Variants in ADAMTSL3 observed in about 807,000 individuals in gnomAD.
The protein encoded by ADAMTSL3 is ADAMTS-like protein 3.
A neutral mutation model predicts 201.7 loss-of-function variants in ADAMTSL3; 128 were observed. The ratio of observed to expected loss-of-function variants is 0.63; its 90% confidence interval spans 0.55 to 0.73. The LOEUF is 0.73. ADAMTSL3 is among the 30% of genes least tolerant of loss of function. The probability of loss-of-function intolerance (pLI) is 0.00; values close to 1 mark genes in which losing one functional copy is unlikely to be tolerated. For missense variants in ADAMTSL3, 1,990 were observed against 2,119.6 expected (o/e 0.94, Z 1.20); for synonymous variants, 738 against 748.4 (o/e 0.99, Z 0.23).
intron 5 of ADAMTSL3, among the ~76,000 whole-genome samples, chr15:83,815,701 A>G (rs1355488940): frequency 6.6e-6 from 1 of 152,248 alleles, no homozygotes; most frequent in African/African-American, 2.4e-5. Flanking sequence ...GTAAGCAGTC[A>G]GCGTCCCCCA....
chr15:83,739,415 C>T (rs542625250), intron 3 of ADAMTSL3, among the ~76,000 whole-genome samples: 104 of 148,944 alleles, frequency 7.0e-4, no homozygotes, highest in African/African-American at 2.4e-3. Flanking sequence ...GTCATGTGAA[C>T]GGTCACAGTT....
chr15:83,856,098 C>T (rs1422401706), intron 7 of ADAMTSL3, among the ~76,000 whole-genome samples: 15 of 150,856 alleles, frequency 9.9e-5, no homozygotes, highest in Admixed American at 7.3e-4. Flanking sequence ...TTTTCAAAAA[C>T]GATGAGCTGT....
At chr15:83,907,561 G>T (rs951819274) in intron 15 of ADAMTSL3, among the ~76,000 whole-genome samples, 14 of 152,136 alleles carry the variant, frequency 9.2e-5, no homozygotes, top group Admixed American at 5.9e-4. Flanking sequence ...CACCATACCT[G>T]GCTAATTTTT....
chr15:83,728,057 G>A (rs2062206703), intron 3 of ADAMTSL3, among the ~76,000 whole-genome samples: 1 of 151,886 alleles, frequency 6.6e-6, no homozygotes, highest in South Asian at 2.1e-4. Flanking sequence ...AGTGTTGGGT[G>A]CATACATATT....
At chr15:83,800,212 C>T (rs1053431167) in intron 4 of ADAMTSL3, among the ~76,000 whole-genome samples, 1 of 152,134 alleles carries the variant, frequency 6.6e-6, no homozygotes, top group African/African-American at 2.4e-5. Context: ...AGTAGGTTCA[C>T]CATAAGACAT....
At chr15:83,899,046 T>C (rs1383967063) in intron 14 of ADAMTSL3, among the ~76,000 whole-genome samples, 1 of 152,198 alleles carries the variant, frequency 6.6e-6, no homozygotes, top group Admixed American at 6.5e-5. Flanking sequence ...CTAAAGTTAT[T>C]TTTATTTCTC....
At chr15:83,973,694 A>C (rs2067234028) in intron 20 of ADAMTSL3, among the ~76,000 whole-genome samples, 1 of 152,158 alleles carries the variant, frequency 6.6e-6, no homozygotes, top group Admixed American at 6.5e-5. Flanking sequence ...TTCCATTAGG[A>C]ATATCAAGGC....
At chr15:83,836,550 G>C (rs989800561) in intron 6 of ADAMTSL3, among the ~76,000 whole-genome samples, 1 of 152,106 alleles carries the variant, frequency 6.6e-6, no homozygotes, top group Non-Finnish European at 1.5e-5. Context: ...TCAACAGCTT[G>C]GATATAGAGT....
Position 83,976,419 on chromosome 15 carries a change from G to A in ADAMTSL3, c.2644+5782G>A, listed in dbSNP as rs115257269. Among the ~76,000 whole-genome samples, 1,061 of 152,146 alleles carry A rather than the reference G, an allele frequency of 7.0e-3. 21 individuals carry two copies. Among genetic ancestry groups the A allele is most frequent in the African/African-American group, 0.024 (1,006 of 41,486 alleles). On this transcript the variant is annotated intron_variant, in intron 20 of 29. Coordinates refer to ENST00000286744, the MANE Select transcript of ADAMTSL3 (RefSeq NM_207517.3). ...AAGACAGTTTTTCCACGGACCAGTC[G>A]TAGGGGATGGTTTTGGGATGATTCT...
intron 26 of ADAMTSL3, 149 bp from the exon 27 acceptor site, chr15:84,025,089 A>G: frequency 1.7e-6 from 1 of 581,874 alleles, no homozygotes; most frequent in Middle Eastern, 4.4e-4. Flanking sequence ...AAAGGCTGGG[A>G]GTCATCTGTG....
intron 16 of ADAMTSL3, among the ~76,000 whole-genome samples, chr15:83,920,553 AC>A (rs967911361): frequency 3.9e-5 from 6 of 152,170 alleles, no homozygotes; most frequent in African/African-American, 1.4e-4. Context: ...TTACAGTAGT[AC>A]CCCTTCAGTC....
At chr15:83,865,975 A>G (rs533276139) in intron 8 of ADAMTSL3, among the ~76,000 whole-genome samples, 1 of 152,368 alleles carries the variant, frequency 6.6e-6, no homozygotes, top group African/African-American at 2.4e-5. Context: ...TTCTCAAAAG[A>G]AGACATTTAT....
intron 17 of ADAMTSL3, among the ~76,000 whole-genome samples, chr15:83,929,715 G>C (rs112886908): frequency 3.3e-5 from 5 of 150,260 alleles, no homozygotes; most frequent in Non-Finnish European, 7.4e-5. Flanking sequence ...GAGACAGAGA[G>C]AGACAGAGAG....
At chr15:83,841,062 A>G (rs975503283) in intron 7 of ADAMTSL3, among the ~76,000 whole-genome samples, 2 of 152,254 alleles carry the variant, frequency 1.3e-5, no homozygotes, top group African/African-American at 4.8e-5. Context: ...TATCCAGGAA[A>G]GGATATTCTC....
intron 3 of ADAMTSL3, 123 bp from the exon 4 acceptor site, chr15:83,773,400 G>T: frequency 9.1e-7 from 1 of 1,093,912 alleles, no homozygotes; most frequent in Non-Finnish European, 1.3e-6. Flanking sequence ...TCGAAGCTCT[G>T]TCTCAATTAA....
intron 3 of ADAMTSL3, among the ~76,000 whole-genome samples, chr15:83,731,437 A>G (rs1310775240): frequency 6.6e-6 from 1 of 152,030 alleles, no homozygotes; most frequent in Non-Finnish European, 1.5e-5. Context: ...AAGAAAAGGA[A>G]CTCTTATATG....
At chr15:83,839,726 C>A (rs2064339327) in intron 7 of ADAMTSL3, among the ~76,000 whole-genome samples, 1 of 152,026 alleles carries the variant, frequency 6.6e-6, no homozygotes, top group African/African-American at 2.4e-5. Flanking sequence ...TTTGGTAATT[C>A]TTTGAATGAC....
At chr15:83,701,498 C>A (rs1451554454) in intron 2 of ADAMTSL3, among the ~76,000 whole-genome samples, 2 of 152,200 alleles carry the variant, frequency 1.3e-5, no homozygotes, top group Non-Finnish European at 2.9e-5. Flanking sequence ...TGTGTCCCCA[C>A]CCAAATCTCA....
chr15:83,907,669 G>T (rs946738528), intron 15 of ADAMTSL3, among the ~76,000 whole-genome samples: 3 of 152,168 alleles, frequency 2.0e-5, no homozygotes, highest in Non-Finnish European at 2.9e-5. Flanking sequence ...CTCCCAAAGT[G>T]CTGGGATTAC....
Sources: gnomAD v4.1 joint callset for allele counts (sites outside exome capture counted in the v4.1 genomes callset) on GRCh38, gnomAD v4.1.1 for gene constraint, MANE v1.5 for transcripts, NCBI Gene and HGNC (gene_info 2026-07-23, HGNC 2026-07-21) for gene names.